Variants in APBB2 observed in about 807,000 individuals in gnomAD.
APBB2 encodes Fe65-like 1.
APBB2 carries 38 observed loss-of-function variants against 82.5 expected under a neutral mutation model. That is an observed-to-expected ratio of 0.46 (90% CI 0.36 to 0.60). APBB2 has a LOEUF of 0.60. Ranked by LOEUF, APBB2 falls within the 20% of genes least tolerant of loss-of-function variation. APBB2 has a pLI of 0.00. For missense variants in APBB2, 772 were observed against 972.3 expected, an observed-to-expected ratio of 0.79 and a Z score of 2.74; for synonymous variants, 341 against 368.2, an observed-to-expected ratio of 0.93 and a Z score of 0.85.
At chr4:40,830,211 C>CATAT (rs372640227) in intron 13 of APBB2, among the ~76,000 whole-genome samples, 1 of 149,550 alleles carries the variant, frequency 6.7e-6, no homozygotes, top group African/African-American at 2.4e-5. Flanking sequence ...CACACACACA[C>CATAT]ATATATATAT....
At chr4:41,187,159 A>G (rs1773122800) in intron 1 of APBB2, among the ~76,000 whole-genome samples, 1 of 152,216 alleles carries the variant, frequency 6.6e-6, no homozygotes, top group African/African-American at 2.4e-5. Context: ...TGAAGATACA[A>G]TGATACAAAA....
Position 41,092,789 on chromosome 4 carries a change from T to A in APBB2, c.-149+7850A>T, listed in dbSNP as rs550003361. Among the ~76,000 whole-genome samples, 179 of 152,098 alleles carry A rather than the reference T, an allele frequency of 1.2e-3. 1 individual carries two copies. Among genetic ancestry groups the A allele is most frequent in the African/African-American group, 4.0e-3 (166 of 41,476 alleles). ...TGTAAAACTTCAAAAGAGAAAAATA[T>A]CACCGGCCTCTGTTCAACTTTAAAT... On this transcript the variant is annotated intron_variant, in intron 3 of 17. Transcript: ENST00000508593.
intron 1 of APBB2, among the ~76,000 whole-genome samples, chr4:41,172,680 T>G (rs1768645859): frequency 6.6e-6 from 1 of 152,252 alleles, no homozygotes; most frequent in Non-Finnish European, 1.5e-5. Context: ...GAAATCCATA[T>G]GCTTGAAATA....
intron 1 of APBB2, chr4:41,177,650 A>G (rs1770188962): frequency 1.3e-5 from 2 of 152,162 alleles, no homozygotes; most frequent in Non-Finnish European, 2.9e-5. Context: ...TCCAAGTCCC[A>G]CCTACTAGCT....
chr4:40,961,023 T>C (rs1421309193), intron 6 of APBB2, among the ~76,000 whole-genome samples: 1 of 151,790 alleles, frequency 6.6e-6, no homozygotes, highest in Non-Finnish European at 1.5e-5. Flanking sequence ...AGATGCTGCC[T>C]TGGACTATGA....
intron 1 of APBB2, among the ~76,000 whole-genome samples, chr4:41,188,253 G>A (rs183566986): frequency 4.6e-5 from 7 of 152,324 alleles, no homozygotes; most frequent in Non-Finnish European, 1.0e-4. Flanking sequence ...ACAGGTTCCA[G>A]AGACATTTCC....
chr4:40,830,634 C>T, intron 12 of APBB2, 57 bp from the exon 13 acceptor site: 1 of 1,043,918 alleles, frequency 9.6e-7, no homozygotes, highest in Non-Finnish European at 1.5e-6. Context: ...CCAACACATA[C>T]TTTAGTTATG....
chr4:40,983,406 A>G (rs1799618459), intron 6 of APBB2, among the ~76,000 whole-genome samples: 1 of 152,184 alleles, frequency 6.6e-6, no homozygotes, highest in East Asian at 1.9e-4. Context: ...CATTTTTATA[A>G]TTTAAATGTA....
At chr4:41,209,041 C>T (rs1172071026) in intron 1 of APBB2, among the ~76,000 whole-genome samples, 1 of 152,090 alleles carries the variant, frequency 6.6e-6, no homozygotes, top group Non-Finnish European at 1.5e-5. Flanking sequence ...TACTTCCTGC[C>T]CAGTTGTGTG....
At chr4:40,959,247 G>C (rs999840389) in intron 6 of APBB2, among the ~76,000 whole-genome samples, 9 of 152,160 alleles carry the variant, frequency 5.9e-5, no homozygotes, top group Non-Finnish European at 8.8e-5. Context: ...TGAGCAGCAG[G>C]AGAAGAGAAG....
At chr4:40,979,714 G>T (rs1344026818) in intron 6 of APBB2, among the ~76,000 whole-genome samples, 1 of 152,138 alleles carries the variant, frequency 6.6e-6, no homozygotes, top group African/African-American at 2.4e-5. Context: ...CTTATATCTA[G>T]CAAGAAAACA....
At position 40,832,013 on chromosome 4, in the gene APBB2, T is replaced by TATATACAC. The variant is rs777910826; in HGVS notation, c.1530-1437_1530-1436insGTGTATAT. On this transcript the variant is annotated intron_variant, in intron 12 of 17. Coordinates refer to ENST00000508593, the MANE Select transcript of APBB2 (RefSeq NM_004307.2). This position sits in a 1 kb window ranked among gnomAD's most constrained non-coding sequence, Gnocchi z 4.8. ...ACACATATTTATATATTTATTTATATACACACACACACACACACACACACA... is the reference window on the plus strand; with the variant it reads ...ACACATATTTATATATTTATTTATATATATACACACACACACACACACACACACACACA... Among the ~76,000 whole-genome samples, 769 of 138,976 alleles carry TATATACAC rather than the reference T, an allele frequency of 5.5e-3. 14 individuals are homozygous for TATATACAC. The East Asian group carries it at 0.059, about 11-fold the overall frequency. The allele number at this position is 138,976 out of a possible 152,430, so 91.2% of individuals were successfully genotyped here.
At chr4:40,982,391 GA>G (rs377012250) in intron 6 of APBB2, among the ~76,000 whole-genome samples, 1,543 of 13,628 alleles carry the variant, frequency 0.11, 174 homozygotes, top group East Asian at 0.37. Flanking sequence ...AGGAAGGAAG[GA>G]AAGGAAAGGA....
rs76369421 is a variant in APBB2 at position 40,975,792 on chromosome 4, C to A, written c.836-30719G>T. On this transcript the variant is annotated intron_variant, in intron 6 of 17. Coordinates refer to ENST00000508593, the MANE Select transcript of APBB2 (RefSeq NM_004307.2). ...CACACACACACACACACACACACAA[C>A]AACCACTCTACTTTCCCCTATATAA... Among the ~76,000 whole-genome samples the A allele has an allele frequency of 4.8e-3, 420 of 87,182 alleles. 4 individuals are homozygous for A. The highest frequency in any genetic ancestry group is 0.031 in the East Asian group (105 of 3,424). The allele number at this position is 87,182 out of a possible 152,430, so 57.2% of individuals were successfully genotyped here.
At chr4:40,874,582 A>G (rs1291718703) in intron 12 of APBB2, among the ~76,000 whole-genome samples, 3 of 152,186 alleles carry the variant, frequency 2.0e-5, no homozygotes, top group Non-Finnish European at 4.4e-5. Flanking sequence ...CCCCTGATAC[A>G]ATGTTATCAT....
At chr4:40,966,258 G>A (rs1280694104) in intron 6 of APBB2, among the ~76,000 whole-genome samples, 2 of 152,064 alleles carry the variant, frequency 1.3e-5, no homozygotes, top group Admixed American at 6.5e-5. Context: ...TTGTATGCAC[G>A]AACTGCTATG....
chr4:40,919,345 C>T (rs777956987), intron 10 of APBB2, among the ~76,000 whole-genome samples: 4 of 152,198 alleles, frequency 2.6e-5, no homozygotes, highest in South Asian at 2.1e-4. Flanking sequence ...CATGTCCTCA[C>T]GGTCACCTAT....
intron 17 of APBB2, among the ~76,000 whole-genome samples, chr4:40,818,109 AG>A (rs1212253897): frequency 6.6e-6 from 1 of 152,242 alleles, no homozygotes; most frequent in African/African-American, 2.4e-5. Context: ...CTAAAAATTA[AG>A]CAGATTCAAA....
intron 1 of APBB2, among the ~76,000 whole-genome samples, chr4:41,202,133 T>C (rs1175851414): frequency 1.3e-5 from 2 of 152,240 alleles, no homozygotes; most frequent in African/African-American, 4.8e-5. Context: ...TACATTCACA[T>C]TGTTGTACAA....
Sources: allele counts gnomAD v4.1 joint callset (sites outside exome capture counted in the v4.1 genomes callset), GRCh38; gene constraint gnomAD v4.1.1; non-coding constraint Gnocchi (gnomAD v3.1); transcripts MANE v1.5; gene names NCBI Gene and HGNC (gene_info 2026-07-23, HGNC 2026-07-21).